Variants in SLC2A5 observed in about 807,000 individuals in gnomAD.
The protein encoded by SLC2A5 is solute carrier family 2, facilitated glucose transporter member 5.
SLC2A5 carries 56 observed loss-of-function variants against 50.3 expected under a neutral mutation model. The ratio of observed to expected loss-of-function variants is 1.11; its 90% CI spans 0.90 to 1.39. The LOEUF (loss-of-function observed/expected upper bound fraction) is 1.39, where lower values mean the gene tolerates loss of function less well. Ranked by LOEUF, SLC2A5 falls within the 40% of genes most tolerant of loss-of-function variation. The probability of loss-of-function intolerance (pLI) is 0.00; values close to 1 mark genes in which losing one functional copy is unlikely to be tolerated. For missense variants in SLC2A5, 566 were observed against 650.1 expected (o/e 0.87, Z 1.41); for synonymous variants, 269 against 281.9 (o/e 0.95, Z 0.46).
chr1:9,075,597 G>A (rs151093643), intron 2 of SLC2A5, among the ~76,000 whole-genome samples: 24 of 152,228 alleles, frequency 1.6e-4, no homozygotes, highest in African/African-American at 5.1e-4. Context: ...GAGTTAGCAG[G>A]ACAGTTGAAG....
chr1:9,045,454 T>C (rs1641410930), intron 4 of SLC2A5, among the ~76,000 whole-genome samples: 4 of 152,208 alleles, frequency 2.6e-5, no homozygotes, highest in Admixed American at 2.6e-4. Context: ...TGGAGCCTAA[T>C]ATTTCTCTGC....
In SLC2A5 at chr1:9,039,609, G is replaced by T; in HGVS notation, c.939C>A (p.His313Gln). ...IYLSAGVPEE[H>Q]VQYVTAGTGA... ...CGGTGCCGGCCGTCACGTACTGCACGTGCTCCTCCGGCACGCCGGCGCTCA... is the reference window on the plus strand; with the variant it reads ...CGGTGCCGGCCGTCACGTACTGCACTTGCTCCTCCGGCACGCCGGCGCTCA... Residue 313 changes from histidine to glutamine, a missense_variant, in exon 8 of 12, where the codon CAC becomes CAA. Physicochemically the swap from His to Gln is conservative, Grantham distance 24. Transcript: ENST00000377424. 1 of 1,574,556 alleles carries T rather than the reference G, an allele frequency of 6.4e-7. No homozygotes were observed. The highest frequency in any genetic ancestry group is 1.8e-5 in the Admixed American group (1 of 55,018).
intron 1 of SLC2A5, among the ~76,000 whole-genome samples, chr1:9,063,937 C>T (rs534458105): frequency 2.6e-4 from 38 of 148,788 alleles, no homozygotes; most frequent in East Asian, 9.8e-4. Context: ...CCTCGTGATC[C>T]GCCCGCCTCG....
intron 1 of SLC2A5, among the ~76,000 whole-genome samples, chr1:9,060,192 C>T (rs1339168147): frequency 6.7e-6 from 1 of 149,262 alleles, no homozygotes; most frequent in Non-Finnish European, 1.5e-5. Context: ...ACACACTACA[C>T]ACACACTACA....
intron 5 of SLC2A5, chr1:9,041,459 C>T (rs1356104091): frequency 7.7e-6 from 10 of 1,304,052 alleles, no homozygotes; most frequent in Non-Finnish European, 9.7e-6. Flanking sequence ...AGCACAGAGC[C>T]TGGCACACTG....
chr1:9,075,486 C>T (rs1439906039), intron 2 of SLC2A5, among the ~76,000 whole-genome samples: 1 of 152,168 alleles, frequency 6.6e-6, no homozygotes, highest in Non-Finnish European at 1.5e-5. Context: ...CTATCTTTCT[C>T]TACCTACAAC....
intron 2 of SLC2A5, among the ~76,000 whole-genome samples, chr1:9,081,468 TAAAA>T (rs34557003): frequency 2.9e-5 from 3 of 102,468 alleles, no homozygotes; most frequent in African/African-American, 7.7e-5. Context: ...CTCCTTCTCT[TAAAA>T]AAAAAAAAAA....
chr1:9,038,685 T>A (rs1641208231), intron 9 of SLC2A5, 143 bp downstream of exon 9: 2 of 1,335,108 alleles, frequency 1.5e-6, no homozygotes, highest in Admixed American at 4.7e-5. Flanking sequence ...GGACACACGG[T>A]CCCCAGATGT....
chr1:9,041,792 G>A lies in SLC2A5; in HGVS notation c.564C>T (p.Asn188=), dbSNP rs142034482. 1.2e-5 allele frequency: 20 copies of A among 1,613,964 alleles called. No homozygotes were observed. Among genetic ancestry groups the A allele is most frequent in the South Asian group, 1.2e-4 (11 of 91,088 alleles). ...GAGATGTCCTGAACTCACCATCTACGTTTGCAAGGAGATTCCGAAGACCAA... is the reference window on the plus strand; with the variant it reads ...GAGATGTCCTGAACTCACCATCTACATTTGCAAGGAGATTCCGAAGACCAA... ...QIFGLRNLLA[N]VDGWPILLGL... is the part of the protein sequence containing the mutation. Residue 188 remains asparagine, a synonymous_variant, in exon 5 of 12, where the codon AAC becomes AAT. Coordinates refer to ENST00000377424, the MANE Select transcript of SLC2A5 (RefSeq NM_003039.3).
upstream of SLC2A5, among the ~76,000 whole-genome samples, chr1:9,070,072 G>GTTTTTTTTTTTTTT (rs56828280): frequency 1.8e-4 from 11 of 62,516 alleles, no homozygotes; most frequent in African/African-American, 7.9e-4. Flanking sequence ...CTCATTTTCT[G>GTTTTTTTTTTTTTT]TTTTTTTTTT....
Position 9,039,734 on chromosome 1 carries a change from C to G in SLC2A5, c.885+66G>C. 4 of 1,436,940 alleles carry G rather than the reference C, an allele frequency of 2.8e-6. No individual in the cohort carries two copies. In the South Asian group the frequency reaches 5.7e-5, roughly 21 times the overall value. 89.0% of individuals were successfully genotyped at this position (1,436,940 alleles called of 1,614,324 possible). A position where few individuals can be genotyped will look rare whatever the true frequency, so the allele number is the denominator to read the frequency against. On this transcript the variant is annotated intron_variant, in intron 7 of 11. Transcript: ENST00000377424. Reference sequence around the variant, plus strand: ...TCGGCGCCAGGACCCACGCCCGGCGCCCCAGGACCTGCGCCCCGCGCCCCC... The same window carrying G: ...TCGGCGCCAGGACCCACGCCCGGCGGCCCAGGACCTGCGCCCCGCGCCCCC...
At chr1:9,057,065 G>T (rs552982085) in intron 3 of SLC2A5, among the ~76,000 whole-genome samples, 2 of 152,316 alleles carry the variant, frequency 1.3e-5, no homozygotes, top group East Asian at 3.9e-4. Context: ...GCTGAGGCGG[G>T]TGGGTCACCT....
chr1:9,066,375 A>G (rs1422227675), intron 1 of SLC2A5, among the ~76,000 whole-genome samples: 1 of 152,020 alleles, frequency 6.6e-6, no homozygotes, highest in African/African-American at 2.4e-5. Flanking sequence ...AGCTGGGACT[A>G]TAGGCACGGT....
chr1:9,063,414 C>T (rs962940956), intron 1 of SLC2A5, among the ~76,000 whole-genome samples: 6 of 151,868 alleles, frequency 4.0e-5, no homozygotes, highest in African/African-American at 1.5e-4. Context: ...GCTCTGTCGC[C>T]CAGGCTGGAG....
intron 1 of SLC2A5, among the ~76,000 whole-genome samples, chr1:9,085,765 G>A (rs755886296): frequency 3.2e-4 from 49 of 152,158 alleles, no homozygotes; most frequent in Non-Finnish European, 6.3e-4. Flanking sequence ...GGTGCAGGAC[G>A]GGGCAGGTTT....
At chr1:9,091,807 A>G (rs535190332), upstream of SLC2A5, among the ~76,000 whole-genome samples, 4 of 152,268 alleles carry the variant, frequency 2.6e-5, no homozygotes, top group African/African-American at 9.6e-5. Context: ...ATTGGAGGGT[A>G]TCATGATAAT....
chr1:9,051,105 A>G (rs574571258), intron 3 of SLC2A5, among the ~76,000 whole-genome samples: 2 of 152,240 alleles, frequency 1.3e-5, no homozygotes, highest in South Asian at 4.1e-4. Flanking sequence ...TGGACATTTT[A>G]AGGTAGTACA....
intron 3 of SLC2A5, among the ~76,000 whole-genome samples, chr1:9,049,542 T>C (rs1335227595): frequency 6.6e-6 from 1 of 151,540 alleles, no homozygotes; most frequent in African/African-American, 2.4e-5. Flanking sequence ...CTGGTCAGCA[T>C]GGTGAAACCT....
chr1:9,075,538 C>G (rs995557732), intron 2 of SLC2A5, among the ~76,000 whole-genome samples: 1 of 152,210 alleles, frequency 6.6e-6, no homozygotes, highest in Non-Finnish European at 1.5e-5. Flanking sequence ...CTGGCCCAGA[C>G]AGTTGTCACT....
Sources: allele counts gnomAD v4.1 joint callset (sites outside exome capture counted in the v4.1 genomes callset), GRCh38; gene constraint gnomAD v4.1.1; transcripts MANE v1.5; gene names NCBI Gene and HGNC (gene_info 2026-07-23, HGNC 2026-07-21).